LONRF2: variants seen among roughly 807,000 people sequenced by gnomAD.
The protein encoded by LONRF2 is LON peptidase N-terminal domain and ring finger 2.
Under a neutral mutation model 66.6 loss-of-function variants are expected in LONRF2, and 35 were observed. The ratio of observed to expected loss-of-function variants is 0.53; its 90% CI spans 0.40 to 0.70. The LOEUF (loss-of-function observed/expected upper bound fraction) is 0.70, where lower values mean the gene tolerates loss of function less well. Among genes scored for constraint, LONRF2 ranks in the 30% least tolerant of loss-of-function variants. The pLI, the probability that LONRF2 is intolerant of heterozygous loss-of-function variation, is 0.00. For missense variants in LONRF2, 902 were observed against 1,002.1 expected (o/e 0.90, Z 1.35); for synonymous variants, 417 against 418.1 (o/e 1.00, Z 0.03).
In LONRF2 at chr2:100,281,779, T is replaced by C. The variant is rs1674742066; in HGVS notation, c.*2519A>G. On this transcript the variant is annotated 3_prime_UTR_variant, in exon 12 of 12. Coordinates refer to ENST00000393437, the MANE Select transcript of LONRF2 (RefSeq NM_198461.4). ...AGAGATTACATTATTTTCTGAGAAA[T>C]CCTTAGAATTGGCATCTCCCCAACA... is the stretch of plus-strand genomic sequence containing the variant. 1 of 152,084 alleles carries C rather than the reference T, an allele frequency of 6.6e-6. No homozygotes were observed. The highest frequency in any genetic ancestry group is 2.1e-4 in the South Asian group (1 of 4,822). The allele number at this position is 152,084 out of a possible 1,614,324, so 9.4% of individuals were successfully genotyped here. A position where few individuals can be genotyped will look rare whatever the true frequency, so the allele number is the denominator to read the frequency against.
intron 1 of LONRF2, among the ~76,000 whole-genome samples, chr2:100,321,099 T>A (rs1389670048): frequency 1.3e-5 from 2 of 152,116 alleles, no homozygotes; most frequent in Admixed American, 1.3e-4. Flanking sequence ...AAATATTTCG[T>A]CATCCTCCCC....
At chr2:100,313,020 C>G (rs533161684) in intron 1 of LONRF2, among the ~76,000 whole-genome samples, 5 of 152,190 alleles carry the variant, frequency 3.3e-5, no homozygotes, top group Non-Finnish European at 7.3e-5. Flanking sequence ...AGAGGGCAGC[C>G]TAAGACCCAG....
rs1037323463 is a variant in LONRF2, at chr2:100,281,886, T to A, written c.*2412A>T. On this transcript the variant is annotated 3_prime_UTR_variant, in exon 12 of 12. Coordinates refer to ENST00000393437, the MANE Select transcript of LONRF2 (RefSeq NM_198461.4). ...AATTGGTAGCAAACTGAAGCTGGGGTTTTTTTTTTTTAGGTTTGTAAGGGA... is the reference window on the plus strand; with the variant it reads ...AATTGGTAGCAAACTGAAGCTGGGGATTTTTTTTTTTAGGTTTGTAAGGGA... The A allele has an allele frequency of 7.2e-6, 1 of 138,950 alleles. No individual in the cohort carries two copies. Among genetic ancestry groups the A allele is most frequent in the African/African-American group, 2.8e-5 (1 of 36,344 alleles). 8.6% of individuals were successfully genotyped at this position (138,950 alleles called of 1,614,324 possible). A position where few individuals can be genotyped will look rare whatever the true frequency, so the allele number is the denominator to read the frequency against.
Position 100,299,929 on chromosome 2 carries a change from G to T in LONRF2, c.1066-11C>A. ...TTTCTCAGATGAATTCTGGTTAAGT[G>T]GGAAAAAAAGGAATCCTGAGTATTA... On this transcript the variant is annotated splice_polypyrimidine_tract_variant and intron_variant, in intron 4 of 11. Transcript: ENST00000393437. 6.7e-7 allele frequency: 1 copy of T among 1,487,548 alleles called. No individual in the cohort carries two copies. Among genetic ancestry groups the T allele is most frequent in the Non-Finnish European group, 9.2e-7 (1 of 1,090,554 alleles). 92.1% of individuals were successfully genotyped at this position (1,487,548 alleles called of 1,614,324 possible).
At chr2:100,318,701 C>A (rs946613346) in intron 1 of LONRF2, among the ~76,000 whole-genome samples, 1 of 151,800 alleles carries the variant, frequency 6.6e-6, no homozygotes, top group Non-Finnish European at 1.5e-5. Flanking sequence ...CATGGTGGTG[C>A]ATGCCTGTAA....
At position 100,321,497 on chromosome 2, in the gene LONRF2, C is replaced by T. The variant is rs754895642; in HGVS notation, c.597G>A (p.Arg199=). 6 of 1,538,808 alleles carry T rather than the reference C, an allele frequency of 3.9e-6. No individual in the cohort carries two copies. In the East Asian group the frequency reaches 1.3e-4, roughly 34 times the overall value. The part of the protein sequence containing the change: ...KCFPAECRLR[R]LAGQARSLQR... ...GCAGGCTCCGCGCCTGGCCTGCCAG[C>T]CTGCGCAGCCGGCACTCGGCCGGGA... The change falls in exon 1 of 12, where the codon AGG becomes AGA. Residue 199 remains arginine, a synonymous_variant. Transcript: ENST00000393437.
chr2:100,287,691 C>T (rs1437876742), intron 10 of LONRF2, among the ~76,000 whole-genome samples: 3 of 152,166 alleles, frequency 2.0e-5, no homozygotes, highest in Non-Finnish European at 4.4e-5. Context: ...GGCCTCTGGT[C>T]CCTATGTCAC....
Position 100,321,397 on chromosome 2 carries a change from G to A in LONRF2, c.679+18C>T. On this transcript the variant is annotated intron_variant, in intron 1 of 11. Coordinates refer to ENST00000393437, the MANE Select transcript of LONRF2 (RefSeq NM_198461.4). The stretch of plus-strand genomic sequence containing the variant: ...GGACAGGTGTAGGGGAGGCGGACCC[G>A]CCCCGCAGCCGACTCACCCAGCTCC... 4.2e-6 allele frequency: 6 copies of A among 1,416,962 alleles called. No homozygotes were observed. The highest frequency in any genetic ancestry group is 1.5e-5 in the South Asian group (1 of 66,278). 87.8% of individuals were successfully genotyped at this position (1,416,962 alleles called of 1,614,324 possible).
At chr2:100,310,104 A>G (rs1234100368) in intron 1 of LONRF2, among the ~76,000 whole-genome samples, 1 of 152,250 alleles carries the variant, frequency 6.6e-6, no homozygotes, top group Non-Finnish European at 1.5e-5. Flanking sequence ...AGAGGTCCTG[A>G]TAACAACTCA....
rs565186950 is a variant in LONRF2, at chr2:100,282,739, A to G, written c.*1559T>C. On this transcript the variant is annotated 3_prime_UTR_variant, in exon 12 of 12. Coordinates refer to ENST00000393437, the MANE Select transcript of LONRF2 (RefSeq NM_198461.4). ...AAACATTGGATTGGAAAATACTTTCACATTTTCTCTTTACAATTAAGTGAT... is the reference window on the plus strand; with the variant it reads ...AAACATTGGATTGGAAAATACTTTCGCATTTTCTCTTTACAATTAAGTGAT... The G allele has an allele frequency of 5.3e-5, 8 of 152,340 alleles. 1 individual carries two copies. The highest frequency in any genetic ancestry group is 1.9e-4 in the East Asian group (1 of 5,186). 9.4% of individuals were successfully genotyped at this position (152,340 alleles called of 1,614,324 possible). A position where few individuals can be genotyped will look rare whatever the true frequency, so the allele number is the denominator to read the frequency against.
At chr2:100,295,344 T>A in intron 8 of LONRF2, 88 bp downstream of exon 8, 1 of 1,332,692 alleles carries the variant, frequency 7.5e-7, no homozygotes, top group Non-Finnish European at 1.0e-6. Context: ...GAGAGTTCTC[T>A]GCCATGAAAA....
rs571235760 is a variant in LONRF2, at chr2:100,290,888, C to T, written c.1758-468G>A. 3.2e-3 allele frequency among the ~76,000 whole-genome samples: 490 copies of T among 152,288 alleles called. 2 individuals carry two copies. Among genetic ancestry groups the T allele is most frequent in the African/African-American group, 0.011 (466 of 41,556 alleles). ...TCTCATGCTACCACGTGCCAAGCAA[C>T]ACACGGAGCAGTTTATAATACATAT... On this transcript the variant is annotated intron_variant, in intron 9 of 11. Transcript: ENST00000393437.
At chr2:100,307,943 T>A (rs1476146095) in intron 2 of LONRF2, among the ~76,000 whole-genome samples, 4 of 37,422 alleles carry the variant, frequency 1.1e-4, no homozygotes, top group Non-Finnish European at 2.2e-4. Context: ...GAGTCTAAAC[T>A]TTTTTTTTAG....
chr2:100,319,814 A>C (rs11123826), intron 1 of LONRF2, among the ~76,000 whole-genome samples: 62,342 of 152,046 alleles, frequency 0.41, 14,399 homozygotes, highest in East Asian at 0.76. Context: ...CTTGTATCTA[A>C]TTGCACATTC....
At chr2:100,285,110 T>C (rs1674819144) in intron 11 of LONRF2, among the ~76,000 whole-genome samples, 1 of 152,224 alleles carries the variant, frequency 6.6e-6, no homozygotes, top group African/African-American at 2.4e-5. Context: ...TCAATATTCT[T>C]AGTACTGGAA....
chr2:100,290,106 C>T (rs550075979), intron 10 of LONRF2, 152 bp downstream of exon 10: 2 of 565,538 alleles, frequency 3.5e-6, no homozygotes, highest in Admixed American at 3.9e-5. Context: ...GACCTTGACT[C>T]AAAAATAAAC....
At chr2:100,310,803 A>T (rs940831039) in intron 1 of LONRF2, among the ~76,000 whole-genome samples, 10 of 152,246 alleles carry the variant, frequency 6.6e-5, no homozygotes, top group African/African-American at 2.2e-4. Flanking sequence ...GATATCATAT[A>T]GATACTTGCT....
intron 1 of LONRF2, among the ~76,000 whole-genome samples, 175 bp downstream of exon 1, chr2:100,321,240 T>A (rs1675616611): frequency 6.6e-6 from 1 of 152,220 alleles, no homozygotes; most frequent in Non-Finnish European, 1.5e-5. Flanking sequence ...CTCTCCTGGC[T>A]GCAGGGTGTG....
At chr2:100,285,477 TACCTAA>T (rs1471869039) in intron 11 of LONRF2, among the ~76,000 whole-genome samples, 2 of 152,202 alleles carry the variant, frequency 1.3e-5, no homozygotes, top group African/African-American at 4.8e-5. Flanking sequence ...ATTGATGTAT[TACCTAA>T]AATCCCTCTG....
Sources: gnomAD v4.1 joint callset for allele counts (sites outside exome capture counted in the v4.1 genomes callset) on GRCh38, gnomAD v4.1.1 for gene constraint, MANE v1.5 for transcripts, NCBI Gene and HGNC (gene_info 2026-07-23, HGNC 2026-07-21) for gene names.